The following DDR1 variants were observed in gnomAD, a reference collection of about 807,000 sequenced individuals.
DDR1 encodes the protein discoidin domain receptor tyrosine kinase 1.
DDR1 carries 64 observed loss-of-function variants against 97.4 expected under a neutral mutation model. That is an observed-to-expected ratio of 0.66 (90% CI 0.54 to 0.81). The LOEUF (loss-of-function observed/expected upper bound fraction) is 0.81. DDR1 is among the 30% of genes least tolerant of loss of function. DDR1 has a pLI of 0.00. For missense variants in DDR1, 990 were observed against 1,259.6 expected, an observed-to-expected ratio of 0.79 and a Z score of 3.24; for synonymous variants, 458 against 503.7, an observed-to-expected ratio of 0.91 and a Z score of 1.21.
At position 30,886,318 on chromosome 6, in the gene DDR1, G is replaced by T. The variant is rs933170927; in HGVS notation, c.-43+1608G>T. 6.6e-6 allele frequency among the ~76,000 whole-genome samples: 1 copy of T among 152,128 alleles called. No individual in the cohort carries two copies. Among genetic ancestry groups the T allele is most frequent in the Non-Finnish European group, 1.5e-5 (1 of 68,004 alleles). On this transcript the variant is annotated intron_variant, in intron 1 of 17. Coordinates refer to ENST00000376568, the MANE Select transcript of DDR1 (RefSeq NM_001297654.2). The surrounding 1 kb of genome is among the most constrained non-coding windows in gnomAD (Gnocchi z 4.6). ...AAGAGCCCCGCTGTTCCCGAGAGAG[G>T]TGGGGTTGGAGAGCGGCACCCAGGA...
Position 30,894,545 on chromosome 6 carries a change from C to T in DDR1, c.1387C>T (p.Leu463Phe). 1 of 1,612,758 alleles carries T rather than the reference C, an allele frequency of 6.2e-7. No homozygotes were observed. Among genetic ancestry groups the T allele is most frequent in the Non-Finnish European group, 8.5e-7 (1 of 1,179,332 alleles). Residue 463 changes from leucine (L) to phenylalanine (F), a missense_variant, in exon 11 of 18, where the codon CTC becomes TTC. Coordinates refer to ENST00000376568, the MANE Select transcript of DDR1 (RefSeq NM_001297654.2). The surrounding 1 kb of genome is among the most constrained non-coding windows in gnomAD (Gnocchi z 5.7). Reference protein sequence around the residue: ...RVLEEELTVHLSVPGDTILIN... With the variant: ...RVLEEELTVHFSVPGDTILIN... ...GTTGGAAGAGGAGCTGACGGTTCACCTCTCTGTCCCTGGGGACACTATCCT... is the reference window on the plus strand; with the variant it reads ...GTTGGAAGAGGAGCTGACGGTTCACTTCTCTGTCCCTGGGGACACTATCCT...
At chr6:30,882,162 C>CTCGCTGG (rs1784409736), upstream of DDR1, among the ~76,000 whole-genome samples, 1 of 152,228 alleles carries the variant, frequency 6.6e-6, no homozygotes, top group Non-Finnish European at 1.5e-5. The surrounding 1 kb of genome is among the most constrained non-coding windows in gnomAD (Gnocchi z 4.8). Context: ...CGTCCTCTCG[C>CTCGCTGG]TCGCTGGTCG....
rs754092328 is a variant in DDR1 at position 30,899,280 on chromosome 6, C to T, written c.2726C>T (p.Ala909Val). 6.2e-7 allele frequency: 1 copy of T among 1,612,288 alleles called. No individual in the cohort carries two copies. Among genetic ancestry groups the T allele is most frequent in the Non-Finnish European group, 8.5e-7 (1 of 1,178,840 alleles). ...CTGCATCGGTTCCTGGCAGAGGATG[C>T]ACTCAACACGGTGTGAATCACACAT... ...SQLHRFLAED[A>V]LNTV The change falls in exon 18 of 18, where the codon GCA becomes GTA. Residue 909 changes from alanine (A) to valine (V), a missense_variant. Ala to Val is a moderately conservative substitution (Grantham distance 64). Transcript: ENST00000376568.
At position 30,891,931 on chromosome 6, in the gene DDR1, G is replaced by A. The variant is rs530925963; in HGVS notation, c.666-71G>A. Reference sequence around the variant, plus strand: ...CCATGCCACTGTGCCGGAGGGTGGCGGAGCAGAATGCCTGGATGTCAAGAC... The same window carrying A: ...CCATGCCACTGTGCCGGAGGGTGGCAGAGCAGAATGCCTGGATGTCAAGAC... On this transcript the variant is annotated intron_variant, in intron 6 of 17. Coordinates refer to ENST00000376568, the MANE Select transcript of DDR1 (RefSeq NM_001297654.2). This position sits in a 1 kb window ranked among gnomAD's most constrained non-coding sequence, Gnocchi z 5.3. 8.2e-5 allele frequency: 128 copies of A among 1,551,896 alleles called. No individual in the cohort carries two copies. Among genetic ancestry groups the A allele is most frequent in the Middle Eastern group, 6.8e-4 (3 of 4,388 alleles).
intron 8 of DDR1, 153 bp from the exon 9 acceptor site, chr6:30,892,915 C>T: frequency 1.4e-6 from 1 of 694,614 alleles, no homozygotes. Flanking sequence ...CTGGGTGTTC[C>T]AGGACCCTGC....
chr6:30,889,072 C>G lies in DDR1; in HGVS notation c.188+62C>G. On this transcript the variant is annotated intron_variant, in intron 3 of 17. Transcript: ENST00000376568. This position sits in a 1 kb window ranked among gnomAD's most constrained non-coding sequence, Gnocchi z 4.9. Reference sequence around the variant, plus strand: ...AGAGGAGCTCCTGGGACCTCTACTTCCCCTCCAACCCCTCTGCCCATGCCA... The same window carrying G: ...AGAGGAGCTCCTGGGACCTCTACTTGCCCTCCAACCCCTCTGCCCATGCCA... 1 of 1,584,764 alleles carries G rather than the reference C, an allele frequency of 6.3e-7. No homozygotes were observed. The highest frequency in any genetic ancestry group is 8.7e-7 in the Non-Finnish European group (1 of 1,155,314).
At chr6:30,885,695 A>G in intron 1 of DDR1, 1 of 1,311,504 alleles carries the variant, frequency 7.6e-7, no homozygotes, top group Non-Finnish European at 1.0e-6. Flanking sequence ...GGACGGGTTG[A>G]TGTATGCATG....
upstream of DDR1, chr6:30,882,659 T>C (rs28362611): frequency 0.013 from 1,944 of 152,608 alleles, 98 homozygotes; most frequent in East Asian, 0.17. The surrounding 1 kb of genome is among the most constrained non-coding windows in gnomAD (Gnocchi z 4.8). Context: ...GAATTTCTCC[T>C]GAGGCAGTGA....
chr6:30,885,904 C>A, intron 1 of DDR1: 1 of 1,084,424 alleles, frequency 9.2e-7, no homozygotes, highest in Non-Finnish European at 1.2e-6. Flanking sequence ...GCGTGAAGGG[C>A]TTGAGGCAGG....
rs1398774053 is a variant in DDR1 at position 30,897,555 on chromosome 6, G to C, written c.2174G>C (p.Gly725Ala). 1 of 1,613,582 alleles carries C rather than the reference G, an allele frequency of 6.2e-7. No homozygotes were observed. ...CAGCTGGAGGACAAGGCAGCCGAGGGGGCCCCTGGGGACGGGCAGGCTGCG... is the reference window on the plus strand; with the variant it reads ...CAGCTGGAGGACAAGGCAGCCGAGGCGGCCCCTGGGGACGGGCAGGCTGCG... ...AHQLEDKAAE[G>A]APGDGQAAQG... Residue 725 changes from glycine to alanine, a missense_variant, in exon 15 of 18, where the codon GGG becomes GCG. By Grantham distance (60) the Gly-to-Ala change is moderately conservative. Transcript: ENST00000376568. This position sits in a 1 kb window ranked among gnomAD's most constrained non-coding sequence, Gnocchi z 5.2.
At chr6:30,893,240 TC>T in intron 9 of DDR1, 31 bp from the exon 10 acceptor site, 3 of 1,600,426 alleles carry the variant, frequency 1.9e-6, no homozygotes, top group Non-Finnish European at 2.5e-6. Context: ...GGTGGGACCC[TC>T]CTGTGGTGCT....
rs9281074 is a variant in DDR1 at position 30,891,527 on chromosome 6, CTG to C, written c.665+77_665+78del. 4.3e-3 allele frequency: 3,420 copies of C among 790,910 alleles called. No homozygotes were observed. Among genetic ancestry groups the C allele is most frequent in the Non-Finnish European group, 5.3e-3 (2,585 of 487,104 alleles). 49.0% of individuals were successfully genotyped at this position (790,910 alleles called of 1,614,324 possible). A position where few individuals can be genotyped will look rare whatever the true frequency, so the allele number is the denominator to read the frequency against. On this transcript the variant is annotated intron_variant, in intron 6 of 17. Coordinates refer to ENST00000376568, the MANE Select transcript of DDR1 (RefSeq NM_001297654.2). The surrounding 1 kb of genome is among the most constrained non-coding windows in gnomAD (Gnocchi z 5.3). The stretch of plus-strand genomic sequence containing the variant: ...ATGGAGTTTGGGGTGGGAGGGAGGA[CTG>C]TGTGTGTGTGTGTGTGTGTGTGTGT...
intron 16 of DDR1, 129 bp downstream of exon 16, chr6:30,898,436 A>C: frequency 5.6e-6 from 4 of 715,216 alleles, no homozygotes; most frequent in Non-Finnish European, 9.3e-6. Flanking sequence ...CATCTATAAT[A>C]TGAGGTTCTC....
In DDR1 at chr6:30,896,606, C is replaced by T; in HGVS notation, c.1625-15C>T. 1 of 1,608,718 alleles carries T rather than the reference C, an allele frequency of 6.2e-7. No individual in the cohort carries two copies. Among genetic ancestry groups the T allele is most frequent in the Middle Eastern group, 1.7e-4 (1 of 5,914 alleles). ...CTGATGCCTCGTCCTGTCTTCTTTC[C>T]CCTCACCCCTGCAGCCTACAGTGGG... On this transcript the variant is annotated splice_polypyrimidine_tract_variant and intron_variant, in intron 12 of 17. Transcript: ENST00000376568.
chr6:30,897,028 G>A lies in DDR1; in HGVS notation c.1884G>A (p.Glu628=), dbSNP rs1791085625. The change falls in exon 14 of 18, where the codon GAG becomes GAA. Residue 628 remains glutamate (E), a synonymous_variant. Coordinates refer to ENST00000376568, the MANE Select transcript of DDR1 (RefSeq NM_001297654.2). The surrounding 1 kb of genome is among the most constrained non-coding windows in gnomAD (Gnocchi z 5.2). ...TCTTTCTCCAGGTGCACCTGTGTGAGGTCGACAGCCCTCAAGATCTGGTTA... is the reference window on the plus strand; with the variant it reads ...TCTTTCTCCAGGTGCACCTGTGTGAAGTCGACAGCCCTCAAGATCTGGTTA... ...EGQFGEVHLC[E]VDSPQDLVSL... 2 of 1,612,794 alleles carry A rather than the reference G, an allele frequency of 1.2e-6. No homozygotes were observed. The highest frequency in any genetic ancestry group is 1.7e-6 in the Non-Finnish European group (2 of 1,179,198).
rs1345029513 is a variant in DDR1, at chr6:30,889,374, C to T, written c.361C>T (p.Arg121Cys). 3.1e-6 allele frequency: 5 copies of T among 1,604,356 alleles called. No homozygotes were observed. The highest frequency in any genetic ancestry group is 1.7e-5 in the Admixed American group (1 of 59,350). Residue 121 changes from arginine to cysteine, a missense_variant, in exon 4 of 18, where the codon CGT (arginine) becomes TGT (cysteine). Transcript: ENST00000376568. The surrounding 1 kb of genome is among the most constrained non-coding windows in gnomAD (Gnocchi z 4.9). ...GKEFSRSYRL[R>C]YSRDGRRWMG... ...GGAGTTCTCCCGGAGCTACCGGCTG[C>T]GTTACTCCCGGGATGGTCGCCGCTG...
At position 30,895,471 on chromosome 6, in the gene DDR1, G is replaced by A. The variant is rs1048964097; in HGVS notation, c.1581G>A (p.Pro527=). The change falls in exon 12 of 18, where the codon CCG becomes CCA. Residue 527 remains proline (P), a synonymous_variant. Coordinates refer to ENST00000376568, the MANE Select transcript of DDR1 (RefSeq NM_001297654.2). ...LATYARPPRG[P]GPPTPAWAKP... ...CTTACGCCCGTCCCCCTCGAGGCCC[G>A]GGCCCCCCCACACCCGCCTGGGCCA... is the stretch of plus-strand genomic sequence containing the variant. 4.4e-6 allele frequency: 7 copies of A among 1,605,600 alleles called. No homozygotes were observed. Among genetic ancestry groups the A allele is most frequent in the African/African-American group, 2.7e-5 (2 of 74,778 alleles).
At chr6:30,882,170 T>A (rs1345784334), upstream of DDR1, among the ~76,000 whole-genome samples, 2 of 152,078 alleles carry the variant, frequency 1.3e-5, no homozygotes, top group Non-Finnish European at 2.9e-5. The surrounding 1 kb of genome is among the most constrained non-coding windows in gnomAD (Gnocchi z 4.8). Flanking sequence ...CGCTCGCTGG[T>A]CGTGCTGGGC....
Position 30,897,147 on chromosome 6 carries a change from G to A in DDR1, c.1997+6G>A, listed in dbSNP as rs1319328924. 6.2e-7 allele frequency: 1 copy of A among 1,613,564 alleles called. No individual in the cohort carries two copies. Among genetic ancestry groups the A allele is most frequent in the Non-Finnish European group, 8.5e-7 (1 of 1,179,798 alleles). On this transcript the variant is annotated splice_donor_region_variant and intron_variant, in intron 14 of 17. Coordinates refer to ENST00000376568, the MANE Select transcript of DDR1 (RefSeq NM_001297654.2). The surrounding 1 kb of genome is among the most constrained non-coding windows in gnomAD (Gnocchi z 5.2). Reference sequence around the variant, plus strand: ...GATGCCACCAAGAATGCCAGGTGAGGACCAGGGATGGCATCTGGAAGAAGG... The same window carrying A: ...GATGCCACCAAGAATGCCAGGTGAGAACCAGGGATGGCATCTGGAAGAAGG...
Sources: allele counts gnomAD v4.1 joint callset (sites outside exome capture counted in the v4.1 genomes callset), GRCh38; gene constraint gnomAD v4.1.1; non-coding constraint Gnocchi (gnomAD v3.1); transcripts MANE v1.5; gene names NCBI Gene and HGNC (gene_info 2026-07-23, HGNC 2026-07-21).